AKT3: variants seen among roughly 807,000 people sequenced by gnomAD.
AKT3 encodes the protein RAC-gamma serine/threonine-protein kinase.
In AKT3, 15 loss-of-function variants were observed where a neutral mutation model predicts 65.3. That is an observed-to-expected ratio of 0.23 (90% CI 0.15 to 0.35). The LOEUF (loss-of-function observed/expected upper bound fraction) is 0.35, where lower values mean the gene tolerates loss of function less well. Among genes scored for constraint, AKT3 ranks in the 10% least tolerant of loss-of-function variants. The pLI, the probability that AKT3 is intolerant of heterozygous loss-of-function variation, is 1.00. For synonymous variants in AKT3, 206 were observed against 183.8 expected (o/e 1.12, Z -0.98); for missense variants, 243 against 576.5 (o/e 0.42, Z 5.92).
chr1:243,765,899 C>T (rs1413279526), intron 2 of AKT3, among the ~76,000 whole-genome samples: 1 of 152,156 alleles, frequency 6.6e-6, no homozygotes, highest in Non-Finnish European at 1.5e-5. Context: ...TTTTTACCTA[C>T]TGCCACAGAA....
chr1:243,700,933 C>A (rs1572194622), intron 2 of AKT3, among the ~76,000 whole-genome samples: 1 of 152,280 alleles, frequency 6.6e-6, no homozygotes, highest in Middle Eastern at 3.4e-3. Flanking sequence ...ACTCTCAAAC[C>A]AGAGCTCACC....
rs1156657279 is a variant in AKT3, at chr1:243,527,922, CACACACACACACACAGAG to C, written c.1252-15514_1252-15497del. On this transcript the variant is annotated intron_variant, in intron 12 of 13. Transcript: ENST00000673466. ...ACACACACACACACACACACACACACACACACACACACACAGAGAGAGAGAGAGAGAGAGAGAATTTGA... is the reference window on the plus strand; with the variant it reads ...ACACACACACACACACACACACACACAGAGAGAGAGAGAGAGAGAATTTGA... Among the ~76,000 whole-genome samples the C allele has an allele frequency of 1.3e-3, 114 of 89,804 alleles. 1 individual carries two copies. The highest frequency in any genetic ancestry group is 5.2e-3 in the Middle Eastern group (1 of 192). 58.9% of individuals were successfully genotyped at this position (89,804 alleles called of 152,430 possible).
chr1:243,648,481 A>T (rs963297257), intron 4 of AKT3, among the ~76,000 whole-genome samples: 1 of 152,144 alleles, frequency 6.6e-6, no homozygotes, highest in Non-Finnish European at 1.5e-5. Context: ...TAATTTGTTG[A>T]TACTTTGTTA....
In AKT3 at chr1:243,658,561, G is replaced by T. The variant is rs141188287; in HGVS notation, c.284+6211C>A. Among the ~76,000 whole-genome samples the T allele has an allele frequency of 2.2e-4, 33 of 152,218 alleles. No homozygotes were observed. The East Asian group carries it at 4.0e-3, about 19-fold the overall frequency. On this transcript the variant is annotated intron_variant, in intron 4 of 13. Transcript: ENST00000673466. Reference sequence around the variant, plus strand: ...TAGCTGCTACAGAAAACAGTATGAAGATTCTTCAAAAACTTAAAAGTAGAA... The same window carrying T: ...TAGCTGCTACAGAAAACAGTATGAATATTCTTCAAAAACTTAAAAGTAGAA...
chr1:243,520,206 G>A (rs1670632752), intron 12 of AKT3, among the ~76,000 whole-genome samples: 1 of 152,060 alleles, frequency 6.6e-6, no homozygotes, highest in African/African-American at 2.4e-5. Flanking sequence ...AACTCAGTCT[G>A]GTATCTTTAC....
At chr1:243,778,151 T>C (rs887765573) in intron 2 of AKT3, among the ~76,000 whole-genome samples, 3 of 152,166 alleles carry the variant, frequency 2.0e-5, no homozygotes, top group African/African-American at 7.2e-5. Context: ...TATAAGCTGT[T>C]TGAGGCAGGG....
chr1:243,791,104 A>C (rs750860417), intron 2 of AKT3, among the ~76,000 whole-genome samples: 2 of 152,208 alleles, frequency 1.3e-5, no homozygotes, highest in African/African-American at 2.4e-5. Flanking sequence ...ACAAATCTTC[A>C]ATTTGTAAGA....
chr1:243,502,277 TAGG>T lies in AKT3; in HGVS notation c.*2969_*2971del, dbSNP rs1029634648. ...AAGGAAGGCCCTTACTTTTGTACTC[TAGG>T]AGAAGCAAGTGGCCCCTGCAAGAAC... On this transcript the variant is annotated 3_prime_UTR_variant, in exon 14 of 14. Coordinates refer to ENST00000673466, the MANE Select transcript of AKT3 (RefSeq NM_005465.7). The T allele has an allele frequency of 6.9e-5, 16 of 232,706 alleles. No individual in the cohort carries two copies. Among genetic ancestry groups the T allele is most frequent in the African/African-American group, 3.3e-4 (15 of 45,306 alleles). 14.4% of individuals were successfully genotyped at this position (232,706 alleles called of 1,614,324 possible). A position where few individuals can be genotyped will look rare whatever the true frequency, so the allele number is the denominator to read the frequency against.
intron 2 of AKT3, among the ~76,000 whole-genome samples, chr1:243,835,311 A>C (rs1392088484): frequency 6.6e-6 from 1 of 152,174 alleles, no homozygotes; most frequent in African/African-American, 2.4e-5. Context: ...GAGAGTATAC[A>C]CTGAGGATGT....
At chr1:243,586,426 A>G (rs979212757) in intron 8 of AKT3, among the ~76,000 whole-genome samples, 1 of 152,220 alleles carries the variant, frequency 6.6e-6, no homozygotes, top group Non-Finnish European at 1.5e-5. Context: ...ATTGTTCTAT[A>G]AAGTAGACAC....
chr1:243,827,794 T>C (rs576186822), intron 2 of AKT3, among the ~76,000 whole-genome samples: 1 of 152,250 alleles, frequency 6.6e-6, no homozygotes, highest in South Asian at 2.1e-4. Flanking sequence ...TATTAGAACT[T>C]GGAAATCCTA....
chr1:243,616,804 G>A (rs1558656498), intron 6 of AKT3, among the ~76,000 whole-genome samples: 1 of 152,168 alleles, frequency 6.6e-6, no homozygotes, highest in African/African-American at 2.4e-5. Flanking sequence ...GATCAATTGT[G>A]TCTGAACAGA....
chr1:243,785,482 A>G (rs979196596), intron 2 of AKT3, among the ~76,000 whole-genome samples: 2 of 152,148 alleles, frequency 1.3e-5, no homozygotes, highest in African/African-American at 2.4e-5. Context: ...CTTATAGTTT[A>G]GAACTAAAGT....
chr1:243,496,340 C>T (rs3006931), downstream of AKT3, among the ~76,000 whole-genome samples: 9,291 of 151,146 alleles, frequency 0.061, 928 homozygotes, highest in African/African-American at 0.21. Flanking sequence ...GAGGCGGAGG[C>T]GGGAGGCGAG....
chr1:243,508,655 CTT>C (rs369887012), intron 13 of AKT3, among the ~76,000 whole-genome samples: 5 of 108,312 alleles, frequency 4.6e-5, no homozygotes, highest in African/African-American at 1.5e-4. Flanking sequence ...AAAAGCCAGA[CTT>C]TTTTTTTTTT....
At chr1:243,717,567 G>A (rs2148100016) in intron 2 of AKT3, among the ~76,000 whole-genome samples, 1 of 152,242 alleles carries the variant, frequency 6.6e-6, no homozygotes, top group East Asian at 1.9e-4. Context: ...TACTTCATAT[G>A]AGAGACAAGT....
chr1:243,527,061 G>T (rs1671157034), intron 12 of AKT3, among the ~76,000 whole-genome samples: 1 of 152,056 alleles, frequency 6.6e-6, no homozygotes, highest in South Asian at 2.1e-4. Flanking sequence ...CTTAGAATCT[G>T]GGACAGATAT....
At chr1:243,698,310 A>G (rs1360798579) in intron 2 of AKT3, among the ~76,000 whole-genome samples, 1 of 152,096 alleles carries the variant, frequency 6.6e-6, no homozygotes, top group Non-Finnish European at 1.5e-5. Context: ...TATACCAAAA[A>G]TAAAATGAAT....
At chr1:243,849,386 A>ACCCCCCCCCCCCCC (rs57424400) in intron 1 of AKT3, among the ~76,000 whole-genome samples, 61 of 107,034 alleles carry the variant, frequency 5.7e-4, no homozygotes, top group African/African-American at 1.0e-3. Flanking sequence ...CCACACACAC[A>ACCCCCCCCCCCCCC]CCCCCCCCCC....
Sources: allele counts gnomAD v4.1 joint callset (sites outside exome capture counted in the v4.1 genomes callset), GRCh38; gene constraint gnomAD v4.1.1; transcripts MANE v1.5; gene names NCBI Gene and HGNC (gene_info 2026-07-23, HGNC 2026-07-21).